The following TAF4 variants were observed in gnomAD, a reference collection of about 807,000 sequenced individuals.
The protein encoded by TAF4 is transcription initiation factor TFIID subunit 4.
In TAF4, 9 loss-of-function variants were observed where a neutral mutation model predicts 90.3. The observed-to-expected ratio is 0.10, with a 90% CI of 0.06 to 0.17. The LOEUF is 0.17. Ranked by LOEUF, TAF4 falls within the 10% of genes least tolerant of loss-of-function variation. The pLI is 1.00. For synonymous variants in TAF4, 818 were observed against 638.9 expected, an observed-to-expected ratio of 1.28 and a Z score of -4.23; for missense variants, 1,351 against 1,370.7, an observed-to-expected ratio of 0.99 and a Z score of 0.23.
chr20:62,054,765 C>T (rs375618340), intron 1 of TAF4, among the ~76,000 whole-genome samples: 4 of 152,154 alleles, frequency 2.6e-5, no homozygotes, highest in African/African-American at 9.7e-5. Flanking sequence ...CAGCCTCCTA[C>T]GGCTCTTCTA....
intron 7 of TAF4, chr20:62,005,764 C>T (rs1181061980): frequency 6.6e-6 from 1 of 152,250 alleles, no homozygotes; most frequent in Non-Finnish European, 1.5e-5. Context: ...AATGGCTACT[C>T]CTCACCCAGC....
intron 14 of TAF4, among the ~76,000 whole-genome samples, chr20:61,982,630 G>A (rs373645426): frequency 2.5e-4 from 12 of 47,538 alleles, no homozygotes; most frequent in Admixed American, 4.4e-4. Flanking sequence ...CCCGAGAGGA[G>A]ACACCAAACC....
chr20:62,046,328 T>C (rs2055993015), intron 1 of TAF4, among the ~76,000 whole-genome samples: 1 of 152,242 alleles, frequency 6.6e-6, no homozygotes, highest in Non-Finnish European at 1.5e-5. Context: ...ACAATCAAGA[T>C]TTAAAACGTT....
At chr20:62,028,135 C>A (rs370582892) in intron 1 of TAF4, among the ~76,000 whole-genome samples, 1 of 152,176 alleles carries the variant, frequency 6.6e-6, no homozygotes, top group African/African-American at 2.4e-5. Flanking sequence ...ACCCAGGAGC[C>A]GCACCTGCTC....
chr20:62,038,937 C>T (rs2145500632), intron 1 of TAF4, among the ~76,000 whole-genome samples: 1 of 152,286 alleles, frequency 6.6e-6, no homozygotes, highest in Admixed American at 6.5e-5. Context: ...CCTGTAATCC[C>T]AGCTACTCGG....
At chr20:62,021,257 G>C (rs1263774974) in intron 1 of TAF4, among the ~76,000 whole-genome samples, 1 of 152,244 alleles carries the variant, frequency 6.6e-6, no homozygotes, top group East Asian at 1.9e-4. Context: ...ACTTAAACAA[G>C]GGAATAAGTG....
intron 1 of TAF4, among the ~76,000 whole-genome samples, chr20:62,062,632 G>T (rs1016668026): frequency 6.6e-6 from 1 of 152,168 alleles, no homozygotes; most frequent in Non-Finnish European, 1.5e-5. Context: ...TCCTACAGTT[G>T]TTTTTCAAGT....
chr20:62,006,856 T>C lies in TAF4; in HGVS notation c.1975-98A>G. The C allele has an allele frequency of 1.4e-6, 2 of 1,404,980 alleles. No homozygotes were observed. Among genetic ancestry groups the C allele is most frequent in the Non-Finnish European group, 1.9e-6 (2 of 1,069,570 alleles). 87.0% of individuals were successfully genotyped at this position (1,404,980 alleles called of 1,614,324 possible). ...AATATCAACTTTTACAGAAAGCTTT[T>C]GAGCTAAGTAAGATGGATCTTGGCC... On this transcript the variant is annotated intron_variant, in intron 6 of 14. Transcript: ENST00000252996. This position sits in a 1 kb window ranked among gnomAD's most constrained non-coding sequence, Gnocchi z 7.0.
At chr20:62,056,605 A>G (rs879863335) in intron 1 of TAF4, among the ~76,000 whole-genome samples, 1 of 152,218 alleles carries the variant, frequency 6.6e-6, no homozygotes, top group Non-Finnish European at 1.5e-5. Flanking sequence ...GCCAAGGGAA[A>G]GTGCACCAGA....
chr20:61,976,116 C>A lies in TAF4; in HGVS notation c.*52G>T. 1.3e-6 allele frequency: 2 copies of A among 1,594,934 alleles called. No homozygotes were observed. Among genetic ancestry groups the A allele is most frequent in the South Asian group, 2.2e-5 (2 of 90,552 alleles). On this transcript the variant is annotated 3_prime_UTR_variant, in exon 15 of 15. Transcript: ENST00000252996. ...TAAACAATATCCCATTTGCTCGTTACAAAAAGGCGTAATCTGCAAATATAT... is the reference window on the plus strand; with the variant it reads ...TAAACAATATCCCATTTGCTCGTTAAAAAAAGGCGTAATCTGCAAATATAT...
chr20:62,003,496 G>A (rs907136364), intron 8 of TAF4, among the ~76,000 whole-genome samples: 1 of 152,090 alleles, frequency 6.6e-6, no homozygotes, highest in African/African-American at 2.4e-5. Flanking sequence ...TTAAAGTGCA[G>A]GAATGATTAC....
rs1321905903 is a variant in TAF4, at chr20:62,014,719, G to C, written c.1361-12C>G. On this transcript the variant is annotated splice_polypyrimidine_tract_variant and intron_variant, in intron 1 of 14. Transcript: ENST00000252996. ...GACGAGGACCATTCCTGCAGACAAA[G>C]GAGACCTGGCGTCAGGAACGCAACC... 4 of 1,612,180 alleles carry C rather than the reference G, an allele frequency of 2.5e-6. No individual in the cohort carries two copies. Among genetic ancestry groups the C allele is most frequent in the East Asian group, 2.2e-5 (1 of 44,844 alleles).
chr20:61,983,609 G>A (rs2055564044), intron 14 of TAF4, among the ~76,000 whole-genome samples: 1 of 152,186 alleles, frequency 6.6e-6, no homozygotes, highest in South Asian at 2.1e-4. Flanking sequence ...AAGTTGCAGT[G>A]AGCTATGATC....
intron 3 of TAF4, among the ~76,000 whole-genome samples, chr20:62,011,789 C>G (rs1047818347): frequency 8.5e-5 from 13 of 152,198 alleles, no homozygotes; most frequent in African/African-American, 3.1e-4. Flanking sequence ...GCGTCCAGGC[C>G]CACTGCCTGG....
At chr20:62,017,021 G>A (rs1214347701) in intron 1 of TAF4, among the ~76,000 whole-genome samples, 1 of 151,956 alleles carries the variant, frequency 6.6e-6, no homozygotes, top group Non-Finnish European at 1.5e-5. Context: ...CACACCTGTA[G>A]TTCCAGCTAC....
In TAF4 at chr20:62,064,685, C is replaced by G; in HGVS notation, c.1126G>C (p.Gly376Arg). Residue 376 changes from glycine to arginine, a missense_variant, in exon 1 of 15, where the codon GGG (glycine) becomes CGG (arginine). This residue lies in a region of TAF4 where 782 missense variants were observed against 536.6 expected (regional missense o/e 1.46). Transcript: ENST00000252996. ...GGCAGCGCCCCTTGCATAGTTGGCC[C>G]GATGACCATGCTGGCCGCCGTGCTG... The part of the protein sequence containing the change: ...PASTAASMVI[G>R]PTMQGALPSP... The G allele has an allele frequency of 1.6e-6, 2 of 1,263,634 alleles. No individual in the cohort carries two copies. Among genetic ancestry groups the G allele is most frequent in the Non-Finnish European group, 2.0e-6 (2 of 1,009,498 alleles). The allele number at this position is 1,263,634 out of a possible 1,614,324, so 78.3% of individuals were successfully genotyped here. A position where few individuals can be genotyped will look rare whatever the true frequency, so the allele number is the denominator to read the frequency against.
chr20:62,065,036 CG>C lies in TAF4; in HGVS notation c.774del (p.Ala259ProfsTer150). 2.3e-6 allele frequency: 1 copy of C among 435,508 alleles called. No homozygotes were observed. The highest frequency in any genetic ancestry group is 2.6e-6 in the Non-Finnish European group (1 of 383,134). The allele number at this position is 435,508 out of a possible 1,614,324, so 27.0% of individuals were successfully genotyped here. On this transcript the variant is annotated frameshift_variant, in exon 1 of 15. Coordinates refer to ENST00000252996, the MANE Select transcript of TAF4 (RefSeq NM_003185.4). LOFTEE classifies it high-confidence loss of function. ...GCGGGGGCGGCGGGCGCGGGGGCGGCGGGGGGCGAGGGCGCGGCGGGCGCGG... is the reference window on the plus strand; with the variant it reads ...GCGGGGGCGGCGGGCGCGGGGGCGGCGGGGGCGAGGGCGCGGCGGGCGCGG... ...APPAPAAPSP[P>X]AAPAPAAPAA... is the part of the protein sequence containing the mutation.
chr20:62,014,450 C>A, intron 2 of TAF4, 97 bp downstream of exon 2: 1 of 1,422,618 alleles, frequency 7.0e-7, no homozygotes, highest in Non-Finnish European at 9.3e-7. Flanking sequence ...TCCTCACTCC[C>A]ATGGCTGTGC....
chr20:62,045,237 C>T (rs977371306), intron 1 of TAF4, among the ~76,000 whole-genome samples: 21 of 152,330 alleles, frequency 1.4e-4, no homozygotes, highest in African/African-American at 3.1e-4. Context: ...ACAACCGTCC[C>T]GCACCTCCTG....
Sources: allele counts gnomAD v4.1 joint callset (sites outside exome capture counted in the v4.1 genomes callset), GRCh38; gene constraint gnomAD v4.1.1; regional missense constraint gnomAD v4.1.1; non-coding constraint Gnocchi (gnomAD v3.1); transcripts MANE v1.5; gene names NCBI Gene and HGNC (gene_info 2026-07-23, HGNC 2026-07-21).